ZFPM2: variants seen among roughly 807,000 people sequenced by gnomAD.
ZFPM2 encodes the protein zinc finger protein ZFPM2.
A neutral mutation model predicts 98.6 loss-of-function variants in ZFPM2; 20 were observed. The ratio of observed to expected loss-of-function variants is 0.20; its 90% CI spans 0.14 to 0.29. The LOEUF (loss-of-function observed/expected upper bound fraction) is 0.29. Ranked by LOEUF, ZFPM2 falls within the 10% of genes least tolerant of loss-of-function variation. The pLI is 1.00. For missense variants in ZFPM2, 1,310 were observed against 1,388.6 expected, an observed-to-expected ratio of 0.94 and a Z score of 0.90; for synonymous variants, 518 against 502.7, an observed-to-expected ratio of 1.03 and a Z score of -0.41.
chr8:105,402,880 C>T (rs1811368884), intron 1 of ZFPM2, among the ~76,000 whole-genome samples: 1 of 151,968 alleles, frequency 6.6e-6, no homozygotes, highest in African/African-American at 2.4e-5. Flanking sequence ...TTCTGAGAGC[C>T]AGAAGATTGG....
chr8:105,783,919 A>AT (rs1157112867), intron 5 of ZFPM2, among the ~76,000 whole-genome samples: 2 of 152,172 alleles, frequency 1.3e-5, no homozygotes, highest in African/African-American at 4.8e-5. Context: ...TAGAATTGCT[A>AT]AAATCATAGG....
At position 105,680,768 on chromosome 8, in the gene ZFPM2, A is replaced by G. The variant is rs3779774; in HGVS notation, c.532+46411A>G. 3.5e-3 allele frequency among the ~76,000 whole-genome samples: 529 copies of G among 152,308 alleles called. 6 individuals carry two copies. Among genetic ancestry groups the G allele is most frequent in the Admixed American group, 0.024 (368 of 15,292 alleles). On this transcript the variant is annotated intron_variant, in intron 5 of 7. Coordinates refer to ENST00000407775, the MANE Select transcript of ZFPM2 (RefSeq NM_012082.4). ...ATACTTTAAGATTTGGAATATTTTT[A>G]TAAGCTCTAAAAGACTTTGGGATCT... is the stretch of plus-strand genomic sequence containing the variant.
At chr8:105,510,745 T>TA (rs35213234) in intron 3 of ZFPM2, among the ~76,000 whole-genome samples, 62,003 of 151,880 alleles carry the variant, frequency 0.41, 15,927 homozygotes, top group African/African-American at 0.74. Flanking sequence ...AATATAATAA[T>TA]AAGCTGTTGG....
chr8:105,396,292 T>C (rs1253076928), intron 1 of ZFPM2, among the ~76,000 whole-genome samples: 1 of 152,202 alleles, frequency 6.6e-6, no homozygotes, highest in Non-Finnish European at 1.5e-5. Context: ...TCTCTGGTTG[T>C]GCCTGTTGAA....
intron 3 of ZFPM2, among the ~76,000 whole-genome samples, chr8:105,489,086 A>G (rs535416707): frequency 1.1e-4 from 17 of 152,160 alleles, no homozygotes; most frequent in African/African-American, 3.4e-4. Context: ...TGCCATTGAG[A>G]GTATATTCAT....
intron 5 of ZFPM2, among the ~76,000 whole-genome samples, chr8:105,762,826 A>T (rs561856453): frequency 6.6e-6 from 1 of 151,974 alleles, no homozygotes; most frequent in East Asian, 1.9e-4. Flanking sequence ...ACATGATATA[A>T]TCTTTAACCT....
chr8:105,591,232 ACTT>A (rs1815836222), intron 4 of ZFPM2, among the ~76,000 whole-genome samples: 1 of 151,826 alleles, frequency 6.6e-6, no homozygotes, highest in Non-Finnish European at 1.5e-5. Flanking sequence ...AATTTTCAGA[ACTT>A]CTTAGAATTA....
At chr8:105,506,053 A>C (rs1813692113) in intron 3 of ZFPM2, among the ~76,000 whole-genome samples, 1 of 152,180 alleles carries the variant, frequency 6.6e-6, no homozygotes, top group African/African-American at 2.4e-5. Context: ...AGCACTGTAA[A>C]TATCATGAAT....
At chr8:105,464,152 G>T (rs1481024) in intron 3 of ZFPM2, among the ~76,000 whole-genome samples, 136,393 of 151,970 alleles carry the variant, frequency 0.9, 61,480 homozygotes, top group African/African-American at 0.97. Context: ...TCAATTGGCT[G>T]TATACCTTCC....
At chr8:105,796,093 A>C (rs895543160) in intron 6 of ZFPM2, among the ~76,000 whole-genome samples, 2 of 152,220 alleles carry the variant, frequency 1.3e-5, no homozygotes, top group African/African-American at 4.8e-5. Context: ...CTGTGCATTC[A>C]ATCAATGATA....
At chr8:105,467,356 G>C (rs1329897151) in intron 3 of ZFPM2, among the ~76,000 whole-genome samples, 3 of 152,016 alleles carry the variant, frequency 2.0e-5, no homozygotes, top group African/African-American at 7.2e-5. Context: ...GCTTAAAGTA[G>C]GTCTTAAATA....
chr8:105,617,476 C>T (rs572486433), intron 4 of ZFPM2, among the ~76,000 whole-genome samples: 2 of 152,194 alleles, frequency 1.3e-5, no homozygotes, highest in African/African-American at 4.8e-5. Context: ...ATCAGTGCGC[C>T]TAGATTTGAG....
intron 1 of ZFPM2, among the ~76,000 whole-genome samples, chr8:105,400,609 A>G (rs187489446): frequency 6.0e-4 from 92 of 152,098 alleles, no homozygotes; most frequent in African/African-American, 2.0e-3. Flanking sequence ...TGGTGTTTTT[A>G]TTGTGTGATT....
At chr8:105,760,015 G>A (rs1288466468) in intron 5 of ZFPM2, among the ~76,000 whole-genome samples, 4 of 152,064 alleles carry the variant, frequency 2.6e-5, no homozygotes. Flanking sequence ...CAGCCGATGA[G>A]TGGATATTAT....
At chr8:105,348,592 A>G (rs1166883381) in intron 1 of ZFPM2, among the ~76,000 whole-genome samples, 2 of 152,226 alleles carry the variant, frequency 1.3e-5, no homozygotes, top group Admixed American at 6.5e-5. Flanking sequence ...ATTAATAGCT[A>G]AAGTGTGCTG....
intron 3 of ZFPM2, among the ~76,000 whole-genome samples, chr8:105,493,367 G>T (rs766825079): frequency 6.6e-6 from 1 of 152,178 alleles, no homozygotes; most frequent in Non-Finnish European, 1.5e-5. Flanking sequence ...TGGAAAAGCA[G>T]GTATTTGAAA....
chr8:105,604,788 A>T (rs1452209500), intron 4 of ZFPM2, among the ~76,000 whole-genome samples: 1 of 152,074 alleles, frequency 6.6e-6, no homozygotes, highest in African/African-American at 2.4e-5. Context: ...TCAAGCAAAC[A>T]AGACTCTGTT....
chr8:105,415,745 ATAT>A (rs1389690244), intron 1 of ZFPM2, among the ~76,000 whole-genome samples: 24 of 152,246 alleles, frequency 1.6e-4, no homozygotes, highest in African/African-American at 4.8e-4. Flanking sequence ...TAAACCATAA[ATAT>A]TATGCATTTT....
intron 3 of ZFPM2, among the ~76,000 whole-genome samples, chr8:105,505,480 T>G (rs1467759181): frequency 3.9e-5 from 6 of 152,184 alleles, no homozygotes; most frequent in Non-Finnish European, 8.8e-5. Flanking sequence ...AATGTTTGTC[T>G]TAGGACATTT....
Sources: gnomAD v4.1 joint callset for allele counts (sites outside exome capture counted in the v4.1 genomes callset) on GRCh38, gnomAD v4.1.1 for gene constraint, MANE v1.5 for transcripts, NCBI Gene and HGNC (gene_info 2026-07-23, HGNC 2026-07-21) for gene names.